Variants in BACH2 observed in about 807,000 individuals in gnomAD.
BACH2 encodes transcription regulator protein BACH2.
A neutral mutation model predicts 61.8 loss-of-function variants in BACH2; 5 were observed. The observed-to-expected ratio is 0.08, with a 90% CI of 0.04 to 0.17. The LOEUF is 0.17. Ranked by LOEUF, BACH2 falls within the 10% of genes least tolerant of loss-of-function variation. The probability of loss-of-function intolerance (pLI) is 1.00; values close to 1 mark genes in which losing one functional copy is unlikely to be tolerated. For synonymous variants in BACH2, 446 were observed against 440.1 expected, an observed-to-expected ratio of 1.01 and a Z score of -0.17; for missense variants, 824 against 1,091.1, an observed-to-expected ratio of 0.76 and a Z score of 3.45.
rs1367838840 is a variant in BACH2, at chr6:89,985,535, G to GA, written c.243+23066dup. On this transcript the variant is annotated intron_variant, in intron 6 of 8. Transcript: ENST00000257749. ...TCCGGCACTCCTGGGTCATGTCCCT[G>GA]AGAGTGACACAGGGCTGCCCCTGGG... is the stretch of plus-strand genomic sequence containing the variant. Among the ~76,000 whole-genome samples the GA allele has an allele frequency of 5.9e-5, 9 of 152,250 alleles. 1 individual carries two copies. Among genetic ancestry groups the GA allele is most frequent in the Admixed American group, 5.2e-4 (8 of 15,302 alleles).
At chr6:90,049,764 A>T (rs999629599) in intron 5 of BACH2, among the ~76,000 whole-genome samples, 1 of 152,256 alleles carries the variant, frequency 6.6e-6, no homozygotes, top group Admixed American at 6.5e-5. Context: ...ATAACATTTT[A>T]ACACTCTGTG....
intron 1 of BACH2, among the ~76,000 whole-genome samples, chr6:90,285,776 A>G (rs1176085564): frequency 6.6e-6 from 1 of 152,190 alleles, no homozygotes; most frequent in African/African-American, 2.4e-5. Flanking sequence ...TACTATGGGC[A>G]GTTTACAGTG....
At chr6:90,227,515 A>G (rs1257424355) in intron 3 of BACH2, among the ~76,000 whole-genome samples, 1 of 152,246 alleles carries the variant, frequency 6.6e-6, no homozygotes. Flanking sequence ...GAGAAACAAC[A>G]GTGACAGCCC....
intron 6 of BACH2, among the ~76,000 whole-genome samples, chr6:89,996,737 C>G (rs1269463435): frequency 6.6e-6 from 1 of 152,158 alleles, no homozygotes; most frequent in East Asian, 1.9e-4. Flanking sequence ...TTCCCTCCAC[C>G]TGAACCTCTG....
chr6:90,080,051 C>A (rs983211638), intron 5 of BACH2, among the ~76,000 whole-genome samples: 28 of 152,054 alleles, frequency 1.8e-4, no homozygotes, highest in African/African-American at 6.5e-4. Flanking sequence ...CACCACCCTG[C>A]CGTGAACCAC....
rs1416461186 is a variant in BACH2 at position 90,260,590 on chromosome 6, A to G, written c.-352-8000T>C. ...GCCAAAAATGCAATTCAAGTCCTGC[A>G]TTTCTTACTAATTTTCTGTCTGAAT... On this transcript the variant is annotated intron_variant, in intron 2 of 8. Transcript: ENST00000257749. Among the ~76,000 whole-genome samples the G allele has an allele frequency of 3.9e-5, 6 of 152,200 alleles. No homozygotes were observed. In the South Asian group the frequency reaches 1.0e-3, roughly 26 times the overall value.
chr6:89,992,836 G>GT (rs1158572700), intron 6 of BACH2, among the ~76,000 whole-genome samples: 2 of 152,180 alleles, frequency 1.3e-5, no homozygotes, highest in African/African-American at 4.8e-5. Flanking sequence ...TTGCTATAGA[G>GT]TTTTTTAGTA....
intron 5 of BACH2, among the ~76,000 whole-genome samples, chr6:90,064,802 T>C (rs1421065735): frequency 6.6e-6 from 1 of 152,220 alleles, no homozygotes; most frequent in Non-Finnish European, 1.5e-5. Flanking sequence ...TCCTTGAGGA[T>C]GGGAACTGCA....
At chr6:90,261,294 T>C (rs1562531176) in intron 2 of BACH2, among the ~76,000 whole-genome samples, 2 of 152,170 alleles carry the variant, frequency 1.3e-5, no homozygotes, top group African/African-American at 2.4e-5. Flanking sequence ...TTCCATCAGT[T>C]ATCTCCTTCT....
intron 5 of BACH2, among the ~76,000 whole-genome samples, chr6:90,064,849 T>A (rs369764864): frequency 5.3e-5 from 8 of 152,220 alleles, no homozygotes; most frequent in African/African-American, 1.7e-4. Flanking sequence ...ACCTGGTACA[T>A]GGTACTTACA....
intron 5 of BACH2, among the ~76,000 whole-genome samples, chr6:90,016,542 G>A (rs1163280022): frequency 6.6e-6 from 1 of 151,936 alleles, no homozygotes; most frequent in African/African-American, 2.4e-5. Flanking sequence ...ATACCATGTC[G>A]TGTAAAGCAC....
At chr6:90,050,620 T>C (rs915842603) in intron 5 of BACH2, among the ~76,000 whole-genome samples, 1 of 152,212 alleles carries the variant, frequency 6.6e-6, no homozygotes, top group African/African-American at 2.4e-5. Context: ...TATAGTTTTT[T>C]CATAAAGATA....
At chr6:90,243,432 T>G (rs1040003917) in intron 3 of BACH2, among the ~76,000 whole-genome samples, 15 of 152,318 alleles carry the variant, frequency 9.8e-5, no homozygotes, top group Middle Eastern at 3.4e-3. Context: ...ATCATGACAG[T>G]GAAGACCACT....
At chr6:90,022,165 T>A (rs1433025252) in intron 5 of BACH2, among the ~76,000 whole-genome samples, 1 of 152,260 alleles carries the variant, frequency 6.6e-6, no homozygotes, top group Non-Finnish European at 1.5e-5. Flanking sequence ...TTTTTTTTGC[T>A]AATTTTTGTT....
intron 4 of BACH2, among the ~76,000 whole-genome samples, chr6:90,116,394 A>G (rs1021519203): frequency 2.0e-5 from 3 of 152,236 alleles, no homozygotes; most frequent in African/African-American, 7.2e-5. Flanking sequence ...ATGCAGGAAC[A>G]GAAAACCAAA....
At chr6:89,946,975 T>C (rs1229722541) in intron 7 of BACH2, among the ~76,000 whole-genome samples, 1 of 152,242 alleles carries the variant, frequency 6.6e-6, no homozygotes, top group Non-Finnish European at 1.5e-5. Flanking sequence ...ACGGTATAAC[T>C]ACAACATCTT....
intron 6 of BACH2, among the ~76,000 whole-genome samples, chr6:89,983,343 C>T (rs1776059181): frequency 1.3e-5 from 2 of 152,178 alleles, no homozygotes; most frequent in Admixed American, 1.3e-4. Flanking sequence ...CCTGCACTGT[C>T]CAATAGGGTT....
At chr6:90,035,398 T>C (rs764260721) in intron 5 of BACH2, among the ~76,000 whole-genome samples, 2 of 152,180 alleles carry the variant, frequency 1.3e-5, no homozygotes, top group African/African-American at 2.4e-5. Context: ...GAACTAAACA[T>C]ACAGTTCCAC....
intron 1 of BACH2, among the ~76,000 whole-genome samples, chr6:90,273,047 T>C (rs1209229976): frequency 2.6e-5 from 4 of 152,134 alleles, no homozygotes; most frequent in African/African-American, 9.7e-5. Context: ...ACTTAACTGC[T>C]ATGTGCCTCA....
Sources: gnomAD v4.1 joint callset for allele counts (sites outside exome capture counted in the v4.1 genomes callset) on GRCh38, gnomAD v4.1.1 for gene constraint, MANE v1.5 for transcripts, NCBI Gene and HGNC (gene_info 2026-07-23, HGNC 2026-07-21) for gene names.